CHST13: variants seen among roughly 807,000 people sequenced by gnomAD.
CHST13 encodes the protein carbohydrate sulfotransferase 13, also known as C4ST-3.
Under a neutral mutation model 7.0 loss-of-function variants are expected in CHST13, and 1 was observed. That is an observed-to-expected ratio of 0.14 (90% CI 0.05 to 0.68). The LOEUF (loss-of-function observed/expected upper bound fraction) is 0.68, where lower values mean the gene tolerates loss of function less well. Ranked by LOEUF, CHST13 falls within the 30% of genes least tolerant of loss-of-function variation. The pLI, the probability that CHST13 is intolerant of heterozygous loss-of-function variation, is 0.82. For missense variants in CHST13, 572 were observed against 507.9 expected, an observed-to-expected ratio of 1.13 and a Z score of -1.21; for synonymous variants, 257 against 240.9, an observed-to-expected ratio of 1.07 and a Z score of -0.62.
Position 126,542,446 on chromosome 3 carries a change from C to A in CHST13, c.894C>A (p.Ala298=), listed in dbSNP as rs1203079272. The A allele has an allele frequency of 3.2e-6, 5 of 1,562,570 alleles. No individual in the cohort carries two copies. Among genetic ancestry groups the A allele is most frequent in the Non-Finnish European group, 2.6e-6 (3 of 1,156,670 alleles). Residue 298 remains alanine, a synonymous_variant, in exon 3 of 3, where the codon GCC becomes GCA. Transcript: ENST00000319340. ...GGCCGCCGCGGCCCCGGGGAGCCGC[C>A]GCCTCCCGCGACCTGGCAGCGCGCC... ...FPGPPRPRGA[A]ASRDLAARLF...
intron 2 of CHST13, among the ~76,000 whole-genome samples, chr3:126,537,306 A>C (rs1351746891): frequency 6.6e-6 from 1 of 152,192 alleles, no homozygotes; most frequent in Non-Finnish European, 1.5e-5. Context: ...GGAGGACAGG[A>C]GAGGGAGCAC....
chr3:126,524,407 C>A lies in CHST13; in HGVS notation c.75C>A (p.Ala25=). 1 of 1,198,864 alleles carries A rather than the reference C, an allele frequency of 8.3e-7. No individual in the cohort carries two copies. Among genetic ancestry groups the A allele is most frequent in the Non-Finnish European group, 1.0e-6 (1 of 958,512 alleles). 74.3% of individuals were successfully genotyped at this position (1,198,864 alleles called of 1,614,324 possible). A position where few individuals can be genotyped will look rare whatever the true frequency, so the allele number is the denominator to read the frequency against. Residue 25 remains alanine, a synonymous_variant, in exon 1 of 3, where the codon GCC becomes GCA. Transcript: ENST00000319340. ...CLGAALLLLC[A]APRSLRPAFG... ...GCGCCGCGCTCCTGCTCCTATGCGC[C>A]GCGCCCCGCTCCCTGCGCCCGGGTG...
At chr3:126,539,512 CCA>C (rs1412607734) in intron 2 of CHST13, among the ~76,000 whole-genome samples, 1 of 145,462 alleles carries the variant, frequency 6.9e-6, no homozygotes, top group Admixed American at 6.8e-5. Context: ...CACACACACC[CCA>C]CACACCCCAC....
In CHST13 at chr3:126,542,037, G is replaced by A; in HGVS notation, c.485G>A (p.Arg162Gln). Residue 162 changes from arginine (R) to glutamine (Q), a missense_variant, in exon 3 of 3, where the codon CGG becomes CAG. By Grantham distance (43) the Arg-to-Gln change is conservative. Transcript: ENST00000319340. ...GACTTCAGCCCCGCCGAGATCAACC[G>A]GCGCCTGCGCGCCTACTTGGCCTTC... Reference protein sequence around the residue: ...LADFSPAEINRRLRAYLAFLF... With the variant: ...LADFSPAEINQRLRAYLAFLF... 2.5e-6 allele frequency: 4 copies of A among 1,573,246 alleles called. No homozygotes were observed. Among genetic ancestry groups the A allele is most frequent in the Non-Finnish European group, 3.4e-6 (4 of 1,164,232 alleles).
chr3:126,528,874 C>A (rs1376212647), intron 1 of CHST13, among the ~76,000 whole-genome samples: 1 of 152,224 alleles, frequency 6.6e-6, no homozygotes, highest in Non-Finnish European at 1.5e-5. Context: ...GAAGGAATGT[C>A]CCTGACTCTG....
intron 1 of CHST13, among the ~76,000 whole-genome samples, chr3:126,530,247 A>G (rs934546215): frequency 2.0e-5 from 3 of 152,234 alleles, no homozygotes; most frequent in Admixed American, 2.0e-4. Context: ...GGCCACAGCT[A>G]TTCTGAGCCT....
In CHST13 at chr3:126,524,357, C is replaced by T; in HGVS notation, c.25C>T (p.Arg9Cys). The part of the protein sequence containing the change: MGRRCCRR[R>C]VLAAACLGAA... ...CATGGGGAGGCGCTGCTGCCGGCGG[C>T]GCGTGCTGGCGGCCGCCTGTCTGGG... is the stretch of plus-strand genomic sequence containing the variant. The change falls in exon 1 of 3, where the codon CGC becomes TGC. Residue 9 changes from arginine to cysteine, a missense_variant. By Grantham distance (180) the Arg-to-Cys change is radical. Transcript: ENST00000319340. 8.1e-7 allele frequency: 1 copy of T among 1,235,334 alleles called. No homozygotes were observed. The highest frequency in any genetic ancestry group is 1.0e-6 in the Non-Finnish European group (1 of 989,724). The allele number at this position is 1,235,334 out of a possible 1,614,324, so 76.5% of individuals were successfully genotyped here.
At chr3:126,524,622 C>T (rs1164068727) in intron 1 of CHST13, among the ~76,000 whole-genome samples, 193 bp downstream of exon 1, 1 of 151,884 alleles carries the variant, frequency 6.6e-6, no homozygotes, top group Admixed American at 6.6e-5. Flanking sequence ...GGCTCTTGCT[C>T]CTCCTCCGGA....
At chr3:126,527,348 G>T in intron 1 of CHST13, 1 of 152,418 alleles carries the variant, frequency 6.6e-6, no homozygotes, top group Non-Finnish European at 1.5e-5. Flanking sequence ...GAAAAGGCCA[G>T]GTGCCTCTGC....
At chr3:126,541,077 G>A (rs1301874508) in intron 2 of CHST13, among the ~76,000 whole-genome samples, 3 of 152,182 alleles carry the variant, frequency 2.0e-5, no homozygotes, top group African/African-American at 4.8e-5. Flanking sequence ...CTGAGGCTGC[G>A]AGGGGCTCCG....
chr3:126,534,012 T>G (rs1318561781), intron 1 of CHST13, among the ~76,000 whole-genome samples: 1 of 152,230 alleles, frequency 6.6e-6, no homozygotes, highest in African/African-American at 2.4e-5. Context: ...GGGCTACAAT[T>G]GTTCAGAGTT....
intron 1 of CHST13, among the ~76,000 whole-genome samples, chr3:126,535,999 T>C (rs1936781695): frequency 1.3e-5 from 2 of 152,162 alleles, no homozygotes; most frequent in African/African-American, 4.8e-5. Flanking sequence ...GGTATCACCT[T>C]CCCACTTGTC....
At position 126,542,110 on chromosome 3, in the gene CHST13, C is replaced by A; in HGVS notation, c.558C>A (p.Asn186Lys). Residue 186 changes from asparagine to lysine, a missense_variant, in exon 3 of 3, where the codon AAC becomes AAA. Asn to Lys is a moderately conservative substitution (Grantham distance 94). Coordinates refer to ENST00000319340, the MANE Select transcript of CHST13 (RefSeq NM_152889.3). ...PFERLASAYR[N>K]KLARPYSAAF... is the part of the protein sequence containing the mutation. ...AGCGCCTGGCATCGGCTTACCGCAA[C>A]AAGCTCGCGCGCCCCTACAGCGCCG... 6.3e-7 allele frequency: 1 copy of A among 1,580,186 alleles called. No homozygotes were observed. The highest frequency in any genetic ancestry group is 8.6e-7 in the Non-Finnish European group (1 of 1,167,522).
At position 126,536,280 on chromosome 3, in the gene CHST13, A is replaced by G. The variant is rs1250387918; in HGVS notation, c.107A>G (p.Asn36Ser). 2 of 1,613,878 alleles carry G rather than the reference A, an allele frequency of 1.2e-6. No homozygotes were observed. Among genetic ancestry groups the G allele is most frequent in the Non-Finnish European group, 1.7e-6 (2 of 1,179,856 alleles). Residue 36 changes from asparagine to serine, a missense_variant, in exon 2 of 3, where the codon AAC becomes AGC. Physicochemically the swap from Asn to Ser is conservative, Grantham distance 46. Transcript: ENST00000319340. ...CTCCTTATGCCCACAGCATTTGGAA[A>G]CAGAGCCCTGGGCTCCAGCTGGCTT... The part of the protein sequence containing the change: ...APRSLRPAFG[N>S]RALGSSWLGG...
Position 126,541,774 on chromosome 3 carries a change from C to T in CHST13, c.222C>T (p.Arg74=). Residue 74 remains arginine, a synonymous_variant, in exon 3 of 3, where the codon CGC becomes CGT. Transcript: ENST00000319340. The part of the protein sequence containing the change: ...STLAKVHRQR[R]DLLNSACSRH... The stretch of plus-strand genomic sequence containing the variant: ...TGGCGAAGGTGCACCGGCAGCGGCG[C>T]GACCTGCTGAACAGCGCCTGTAGCC... 2.0e-6 allele frequency: 3 copies of T among 1,523,870 alleles called. No homozygotes were observed. The highest frequency in any genetic ancestry group is 1.2e-5 in the South Asian group (1 of 81,344). The allele number at this position is 1,523,870 out of a possible 1,614,324, so 94.4% of individuals were successfully genotyped here. A position where few individuals can be genotyped will look rare whatever the true frequency, so the allele number is the denominator to read the frequency against.
At chr3:126,537,402 A>G (rs1450604578) in intron 2 of CHST13, among the ~76,000 whole-genome samples, 1 of 152,262 alleles carries the variant, frequency 6.6e-6, no homozygotes, top group Admixed American at 6.5e-5. Context: ...TAAGCAAGGA[A>G]GGACAGCATC....
intron 1 of CHST13, among the ~76,000 whole-genome samples, chr3:126,525,953 T>A (rs1421286341): frequency 2.0e-5 from 3 of 151,958 alleles, no homozygotes; most frequent in African/African-American, 7.3e-5. Flanking sequence ...AGACAGCAGG[T>A]GTTAGGAGGA....
chr3:126,524,218 C>G lies in CHST13; in HGVS notation c.-115C>G. The G allele has an allele frequency of 3.7e-6, 3 of 821,024 alleles. No homozygotes were observed. Among genetic ancestry groups the G allele is most frequent in the Non-Finnish European group, 4.8e-6 (3 of 625,838 alleles). The allele number at this position is 821,024 out of a possible 1,614,324, so 50.9% of individuals were successfully genotyped here. A position where few individuals can be genotyped will look rare whatever the true frequency, so the allele number is the denominator to read the frequency against. ...CCAGCTGCCGTGCTCCCCTGCCCTG[C>G]GCCGCGCCGCGCGTCTTGGTAGGCG... On this transcript the variant is annotated 5_prime_UTR_variant, in exon 1 of 3. Coordinates refer to ENST00000319340, the MANE Select transcript of CHST13 (RefSeq NM_152889.3).
intron 2 of CHST13, among the ~76,000 whole-genome samples, chr3:126,540,932 T>C (rs1393943835): frequency 6.6e-6 from 1 of 152,236 alleles, no homozygotes; most frequent in African/African-American, 2.4e-5. Context: ...TAAAACACTT[T>C]CTTTTATGAA....
Sources: allele counts gnomAD v4.1 joint callset (sites outside exome capture counted in the v4.1 genomes callset), GRCh38; gene constraint gnomAD v4.1.1; transcripts MANE v1.5; gene names NCBI Gene and HGNC (gene_info 2026-07-23, HGNC 2026-07-21).